The following RPH3A variants were observed in gnomAD, a reference collection of about 807,000 sequenced individuals.
RPH3A encodes rabphilin-3A.
Under a neutral mutation model 102.2 loss-of-function variants are expected in RPH3A, and 48 were observed. The observed-to-expected ratio is 0.47, with a 90% CI of 0.37 to 0.60. The LOEUF (loss-of-function observed/expected upper bound fraction) is 0.60, where lower values mean the gene tolerates loss of function less well. RPH3A is among the 20% of genes least tolerant of loss of function. RPH3A has a pLI of 0.00. For synonymous variants in RPH3A, 310 were observed against 324.3 expected, an observed-to-expected ratio of 0.96 and a Z score of 0.47; for missense variants, 781 against 910.1, an observed-to-expected ratio of 0.86 and a Z score of 1.83.
intron 1 of RPH3A, among the ~76,000 whole-genome samples, chr12:112,592,777 G>A (rs2039488904): frequency 6.6e-6 from 1 of 152,164 alleles, no homozygotes; most frequent in South Asian, 2.1e-4. Context: ...TCCTCAGGTG[G>A]TCCCGGCACT....
At chr12:112,751,564 G>A (rs2040786060) in intron 1 of RPH3A, among the ~76,000 whole-genome samples, 1 of 152,168 alleles carries the variant, frequency 6.6e-6, no homozygotes, top group Non-Finnish European at 1.5e-5. Context: ...GAGAGAAAAT[G>A]TGGTCACAAG....
At chr12:112,712,883 T>TTCTTCTTCTTCTTCTTCC (rs2040473450) in intron 1 of RPH3A, among the ~76,000 whole-genome samples, 4 of 130,814 alleles carry the variant, frequency 3.1e-5, no homozygotes, top group African/African-American at 1.1e-4. Flanking sequence ...CTTTTTTTTC[T>TTCTTCTTCTTCTTCTTCC]TCTTCTTCTT....
chr12:112,602,034 C>T (rs140366330), intron 1 of RPH3A, among the ~76,000 whole-genome samples: 1 of 152,304 alleles, frequency 6.6e-6, no homozygotes, highest in Non-Finnish European at 1.5e-5. Flanking sequence ...GCTCCCTCTG[C>T]AGAGGCAGAG....
intron 1 of RPH3A, among the ~76,000 whole-genome samples, chr12:112,575,688 C>T (rs1158683402): frequency 1.3e-5 from 2 of 151,614 alleles, no homozygotes; most frequent in African/African-American, 2.4e-5. Context: ...TTTACCCAGG[C>T]TCGATATGTG....
chr12:112,784,655 TG>T (rs1249566999), intron 1 of RPH3A, among the ~76,000 whole-genome samples: 29 of 152,306 alleles, frequency 1.9e-4, no homozygotes, highest in African/African-American at 6.5e-4. Context: ...TACACAAGAC[TG>T]AGCTGTGTTC....
At position 112,869,961 on chromosome 12, in the gene RPH3A, C is replaced by T. The variant is rs745320677; in HGVS notation, c.718C>T (p.Arg240Ter). 1 of 1,614,110 alleles carries T rather than the reference C, an allele frequency of 6.2e-7. No homozygotes were observed. The change falls in exon 10 of 22, where the codon CGA becomes TGA. Residue 240 changes from arginine (R) to a stop codon, truncating the protein, a stop_gained. Coordinates refer to ENST00000389385, the MANE Select transcript of RPH3A (RefSeq NM_001143854.2). LOFTEE classifies it high-confidence loss of function. ...GPPVRRASEA[R>*]MSSSSRDSES... Reference sequence around the variant, plus strand: ...TCCCGTGCGCAGGGCCTCCGAGGCACGAATGAGCTCATCTAGCCGAGATTC... The same window carrying T: ...TCCCGTGCGCAGGGCCTCCGAGGCATGAATGAGCTCATCTAGCCGAGATTC...
intron 19 of RPH3A, 77 bp downstream of exon 19, chr12:112,891,080 C>T: frequency 6.5e-7 from 1 of 1,540,282 alleles, no homozygotes; most frequent in Non-Finnish European, 8.9e-7. Flanking sequence ...CAGACAGTTT[C>T]ACCAAGATCG....
intron 1 of RPH3A, among the ~76,000 whole-genome samples, chr12:112,694,396 C>T (rs1039298778): frequency 6.6e-5 from 10 of 152,072 alleles, no homozygotes; most frequent in African/African-American, 9.7e-5. Flanking sequence ...GTGCCCCACA[C>T]CTGTACAGGT....
At chr12:112,792,387 A>G (rs1408438583) in intron 2 of RPH3A, 124 bp downstream of exon 2, 1 of 152,248 alleles carries the variant, frequency 6.6e-6, no homozygotes, top group East Asian at 1.9e-4. Flanking sequence ...AGGAACGACT[A>G]TGCTTATTTG....
chr12:112,711,364 GTTTA>G (rs1434452177), intron 1 of RPH3A, among the ~76,000 whole-genome samples: 2 of 151,852 alleles, frequency 1.3e-5, no homozygotes, highest in Admixed American at 6.6e-5. Flanking sequence ...TCTGCTAAAA[GTTTA>G]TTTGTTTCTT....
intron 2 of RPH3A, among the ~76,000 whole-genome samples, chr12:112,800,328 A>G (rs1387782997): frequency 6.6e-6 from 1 of 152,116 alleles, no homozygotes; most frequent in East Asian, 1.9e-4. Context: ...AAAAGCAGAG[A>G]CAACTGTGGT....
In RPH3A at chr12:112,694,209, A is replaced by G. The variant is rs112655252; in HGVS notation, c.-139-97934A>G. On this transcript the variant is annotated intron_variant, in intron 1 of 21. Transcript: ENST00000543106. ...AACACCGCCCCAACTCTTATCTCCA[A>G]CCTGACCCGTTATTGCTGGACATTG... is the stretch of plus-strand genomic sequence containing the variant. Among the ~76,000 whole-genome samples, 282 of 151,998 alleles carry G rather than the reference A, an allele frequency of 1.9e-3. 1 individual carries two copies. Among genetic ancestry groups the G allele is most frequent in the African/African-American group, 6.6e-3 (272 of 41,446 alleles).
At chr12:112,595,884 T>G (rs147878259) in intron 1 of RPH3A, among the ~76,000 whole-genome samples, 2 of 152,120 alleles carry the variant, frequency 1.3e-5, no homozygotes, top group Non-Finnish European at 2.9e-5. Context: ...AAAATGGAAG[T>G]TCTACTTGGC....
intron 1 of RPH3A, among the ~76,000 whole-genome samples, chr12:112,776,197 T>C (rs1341176914): frequency 6.6e-6 from 1 of 152,230 alleles, no homozygotes; most frequent in East Asian, 1.9e-4. Context: ...ATATCTACTA[T>C]GAGTGAAGAA....
At chr12:112,736,096 T>C (rs1310923381) in intron 1 of RPH3A, among the ~76,000 whole-genome samples, 1 of 152,204 alleles carries the variant, frequency 6.6e-6, no homozygotes, top group African/African-American at 2.4e-5. Flanking sequence ...GTCTTGACTT[T>C]GACTCATTTA....
In RPH3A at chr12:112,880,365, A is replaced by G. The variant is rs533672088; in HGVS notation, c.1251+1167A>G. Among the ~76,000 whole-genome samples, 206 of 152,332 alleles carry G rather than the reference A, an allele frequency of 1.4e-3. 1 individual carries two copies. The highest frequency in any genetic ancestry group is 4.6e-3 in the African/African-American group (190 of 41,558). On this transcript the variant is annotated intron_variant, in intron 14 of 21. Coordinates refer to ENST00000389385, the MANE Select transcript of RPH3A (RefSeq NM_001143854.2). ...ACACTGCCCCTCCACCCCCGCCAATAACACAGTGAAGTAAGTGCATATACA... is the reference window on the plus strand; with the variant it reads ...ACACTGCCCCTCCACCCCCGCCAATGACACAGTGAAGTAAGTGCATATACA...
At chr12:112,689,637 TA>T (rs1566260162) in intron 1 of RPH3A, among the ~76,000 whole-genome samples, 1 of 152,312 alleles carries the variant, frequency 6.6e-6, no homozygotes, top group East Asian at 1.9e-4. Context: ...CAATTTGAAA[TA>T]AGTCAGGACA....
At chr12:112,736,519 A>C (rs2040670469) in intron 1 of RPH3A, among the ~76,000 whole-genome samples, 1 of 152,144 alleles carries the variant, frequency 6.6e-6, no homozygotes, top group African/African-American at 2.4e-5. Context: ...ACACATGGAG[A>C]AATGAGACAC....
upstream of RPH3A, among the ~76,000 whole-genome samples, chr12:112,787,880 T>G (rs2041062253): frequency 6.6e-6 from 1 of 152,228 alleles, no homozygotes; most frequent in African/African-American, 2.4e-5. Flanking sequence ...ATGGAAAGTC[T>G]TACTGGGCTG....
Sources: allele counts gnomAD v4.1 joint callset (sites outside exome capture counted in the v4.1 genomes callset), GRCh38; gene constraint gnomAD v4.1.1; transcripts MANE v1.5; gene names NCBI Gene and HGNC (gene_info 2026-07-23, HGNC 2026-07-21).